Variants in CFAP47 observed in about 807,000 individuals in gnomAD.
CFAP47 encodes the protein cilia and flagella associated protein 47.
In CFAP47, 29 loss-of-function variants were observed where a neutral mutation model predicts 148.1. The observed-to-expected ratio is 0.20, with a 90% CI of 0.15 to 0.27. CFAP47 has a LOEUF of 0.27. CFAP47 is among the 10% of genes least tolerant of loss of function. CFAP47 has a pLI of 1.00. For missense variants in CFAP47, 1,872 were observed against 1,697.5 expected (o/e 1.10, Z -1.81); for synonymous variants, 664 against 577.3 (o/e 1.15, Z -2.15).
chrX:36,362,889 T>C (rs1556019531), intron 61 of CFAP47, among the ~76,000 whole-genome samples: 1 of 112,029 alleles, frequency 8.9e-6, no homozygotes, highest in African/African-American at 3.2e-5. Context: ...TTGTATTTTC[T>C]TTCATTTTTC....
chrX:36,202,954 A>G (rs1431342129), intron 44 of CFAP47, among the ~76,000 whole-genome samples: 2 of 110,946 alleles, frequency 1.8e-5, no homozygotes, highest in East Asian at 5.6e-4. Context: ...TTTTATATAC[A>G]TTTTTCTTTC....
chrX:36,049,361 T>C (rs1937503370), intron 26 of CFAP47, among the ~76,000 whole-genome samples: 1 of 110,195 alleles, frequency 9.1e-6, no homozygotes, highest in Admixed American at 9.8e-5. Flanking sequence ...CTATAAATAA[T>C]TATATAGAAA....
At chrX:36,309,311 G>C (rs1941375299) in intron 55 of CFAP47, among the ~76,000 whole-genome samples, 1 of 110,977 alleles carries the variant, frequency 9.0e-6, no homozygotes, top group African/African-American at 3.3e-5. Flanking sequence ...TGTGCCTATG[G>C]AAAGTTCTGA....
intron 57 of CFAP47, among the ~76,000 whole-genome samples, chrX:36,336,439 C>G (rs1941607799): frequency 9.0e-6 from 1 of 111,325 alleles, no homozygotes. Flanking sequence ...TTGTGTCTCA[C>G]CTGACACATA....
chrX:36,106,615 C>T (rs1938470337), intron 33 of CFAP47, among the ~76,000 whole-genome samples: 1 of 111,508 alleles, frequency 9.0e-6, no homozygotes, highest in African/African-American at 3.3e-5. Context: ...AAACTCCCTC[C>T]ATCAAAGAAC....
At chrX:35,999,803 A>C (rs1936893280) in intron 19 of CFAP47, among the ~76,000 whole-genome samples, 1 of 111,911 alleles carries the variant, frequency 8.9e-6, no homozygotes, top group South Asian at 3.7e-4. Context: ...TTAAGTTATC[A>C]CTTAATAGAG....
chrX:36,239,837 C>T (rs1474544339), intron 48 of CFAP47, among the ~76,000 whole-genome samples: 4 of 111,836 alleles, frequency 3.6e-5, no homozygotes, highest in Non-Finnish European at 7.5e-5. Context: ...CTGGCTGATA[C>T]AGACACTGTG....
At chrX:36,191,670 C>T (rs958721332) in intron 42 of CFAP47, among the ~76,000 whole-genome samples, 17 of 110,965 alleles carry the variant, frequency 1.5e-4, no homozygotes, top group African/African-American at 5.6e-4. Flanking sequence ...TTAAACGGGC[C>T]GTAACTGCTT....
chrX:36,218,395 C>A (rs1940180086), intron 45 of CFAP47, among the ~76,000 whole-genome samples: 2 of 111,390 alleles, frequency 1.8e-5, no homozygotes, highest in Non-Finnish European at 3.8e-5. Flanking sequence ...ATTAAATGAC[C>A]CATGAAGGCC....
At chrX:36,245,488 G>A (rs1204428913) in intron 48 of CFAP47, among the ~76,000 whole-genome samples, 1 of 112,021 alleles carries the variant, frequency 8.9e-6, no homozygotes, top group Non-Finnish European at 1.9e-5. Flanking sequence ...CTTTAATAGA[G>A]TTTTAGGATA....
At chrX:35,923,949 GTA>G (rs759277357) in intron 1 of CFAP47, among the ~76,000 whole-genome samples, 8 of 73,088 alleles carry the variant, frequency 1.1e-4, no homozygotes, top group East Asian at 4.6e-4. Context: ...ATGTACATGT[GTA>G]TATATGTACA....
intron 3 of CFAP47, among the ~76,000 whole-genome samples, chrX:35,946,414 G>A (rs1200532498): frequency 7.2e-5 from 8 of 111,594 alleles, no homozygotes; most frequent in Non-Finnish European, 1.5e-4. Flanking sequence ...TGTCTAAGTA[G>A]TTACAATATG....
chrX:36,146,884 C>T (rs1189026572), intron 36 of CFAP47, among the ~76,000 whole-genome samples: 3 of 106,893 alleles, frequency 2.8e-5, no homozygotes, highest in Admixed American at 1.0e-4. Context: ...CAGGTTCAAG[C>T]GATTCTCCTG....
At chrX:36,176,005 C>T (rs865786529) in intron 39 of CFAP47, among the ~76,000 whole-genome samples, 5 of 111,796 alleles carry the variant, frequency 4.5e-5, no homozygotes, top group East Asian at 2.8e-4. Flanking sequence ...TCTCCTGGCG[C>T]GCCCTTTTTT....
intron 15 of CFAP47, 36 bp from the exon 16 acceptor site, chrX:35,989,283 G>A (rs1304794795): frequency 3.0e-5 from 31 of 1,039,776 alleles, no homozygotes; most frequent in Non-Finnish European, 3.9e-5. Flanking sequence ...ATTAAAATGT[G>A]GAAAATGTCT....
At chrX:35,956,966 C>G (rs772508611) in intron 8 of CFAP47, among the ~76,000 whole-genome samples, 5 of 110,885 alleles carry the variant, frequency 4.5e-5, no homozygotes, top group African/African-American at 1.6e-4. Flanking sequence ...AATCCCAGTA[C>G]TTTGGGAGGC....
chrX:36,254,492 A>G (rs1442629063), intron 49 of CFAP47, among the ~76,000 whole-genome samples: 6 of 110,916 alleles, frequency 5.4e-5, no homozygotes, highest in Non-Finnish European at 1.1e-4. Context: ...ATCTGGAGGT[A>G]ATATAAAAAA....
chrX:36,007,890 C>T (rs892241481), intron 21 of CFAP47, among the ~76,000 whole-genome samples: 1 of 111,301 alleles, frequency 9.0e-6, no homozygotes, highest in Non-Finnish European at 1.9e-5. Flanking sequence ...TTAAAAAAGA[C>T]AGTTAAGGGC....
chrX:36,016,317 C>T (rs1045753165), intron 22 of CFAP47, among the ~76,000 whole-genome samples: 4 of 110,799 alleles, frequency 3.6e-5, no homozygotes, highest in African/African-American at 1.3e-4. Flanking sequence ...CTACCCTTCA[C>T]AGCCTGTAGT....
Sources: allele counts gnomAD v4.1 joint callset (sites outside exome capture counted in the v4.1 genomes callset), GRCh38; gene constraint gnomAD v4.1.1; transcripts MANE v1.5; gene names NCBI Gene and HGNC (gene_info 2026-07-23, HGNC 2026-07-21).